Variants in CAMK1D observed in about 807,000 individuals in gnomAD.
CAMK1D encodes the protein calcium/calmodulin-dependent protein kinase type 1D.
Under a neutral mutation model 47.7 loss-of-function variants are expected in CAMK1D, and 9 were observed. That is an observed-to-expected ratio of 0.19 (90% CI 0.11 to 0.33). CAMK1D has a LOEUF of 0.33. Among genes scored for constraint, CAMK1D ranks in the 10% least tolerant of loss-of-function variants. The pLI is 1.00. For synonymous variants in CAMK1D, 184 were observed against 184.9 expected (o/e 0.99, Z 0.04); for missense variants, 291 against 488.7 (o/e 0.60, Z 3.81).
chr10:12,819,891 C>T (rs185127377), intron 8 of CAMK1D, among the ~76,000 whole-genome samples: 11 of 152,102 alleles, frequency 7.2e-5, no homozygotes, highest in East Asian at 1.9e-4. Context: ...CTGTCAGGGA[C>T]GGAGAAGCCA....
At chr10:12,486,325 A>AT (rs1446928352) in intron 1 of CAMK1D, among the ~76,000 whole-genome samples, 1 of 151,904 alleles carries the variant, frequency 6.6e-6, no homozygotes, top group African/African-American at 2.4e-5. Flanking sequence ...CACCTGGCTA[A>AT]TTTTTTGTAT....
At chr10:12,354,205 G>A (rs1029405659) in intron 1 of CAMK1D, among the ~76,000 whole-genome samples, 10 of 152,126 alleles carry the variant, frequency 6.6e-5, no homozygotes, top group Admixed American at 5.9e-4. Flanking sequence ...TGTAGACTGA[G>A]CATTTGAAGT....
rs372037613 is a variant in CAMK1D, at chr10:12,606,826, A to AT, written c.224+53480dup. Among the ~76,000 whole-genome samples, 245 of 150,142 alleles carry AT rather than the reference A, an allele frequency of 1.6e-3. 1 individual carries two copies. Among genetic ancestry groups the AT allele is most frequent in the African/African-American group, 5.3e-3 (215 of 40,900 alleles). ...TTCTCCAGCAAGGAAGTGACAGATA[A>AT]TTTTTTTTTTCTTTTTTTTGGAGAT... On this transcript the variant is annotated intron_variant, in intron 2 of 10. Transcript: ENST00000619168.
chr10:12,803,397 G>T (rs1400604685), intron 6 of CAMK1D, among the ~76,000 whole-genome samples: 2 of 152,188 alleles, frequency 1.3e-5, no homozygotes, highest in Non-Finnish European at 2.9e-5. Flanking sequence ...CTGTAGAATT[G>T]GCCAAGGGTG....
intron 2 of CAMK1D, among the ~76,000 whole-genome samples, chr10:12,557,590 T>C (rs1836806498): frequency 1.3e-5 from 2 of 151,960 alleles, no homozygotes; most frequent in South Asian, 2.1e-4. Context: ...AAAAAGTCTT[T>C]TGATGATTTT....
intron 6 of CAMK1D, among the ~76,000 whole-genome samples, chr10:12,802,807 C>A (rs900993706): frequency 1.3e-5 from 2 of 152,098 alleles, no homozygotes; most frequent in African/African-American, 2.4e-5. Flanking sequence ...GGCGTGAGTC[C>A]CCGCCCCCGG....
chr10:12,789,967 T>C (rs923477946), intron 5 of CAMK1D, among the ~76,000 whole-genome samples: 1 of 152,276 alleles, frequency 6.6e-6, no homozygotes, highest in African/African-American at 2.4e-5. Context: ...ATATAGTGAG[T>C]GCCAGCTATG....
At chr10:12,469,752 C>CTTGGAAATGTTATATTTT (rs1833694062) in intron 1 of CAMK1D, among the ~76,000 whole-genome samples, 1 of 152,208 alleles carries the variant, frequency 6.6e-6, no homozygotes, top group African/African-American at 2.4e-5. Flanking sequence ...ACTTGGAGAA[C>CTTGGAAATGTTATATTTT]ACTTTAGTGG....
At chr10:12,585,492 G>GATATTTAT (rs1837789931) in intron 2 of CAMK1D, among the ~76,000 whole-genome samples, 1 of 152,190 alleles carries the variant, frequency 6.6e-6, no homozygotes, top group African/African-American at 2.4e-5. Context: ...ATATACTCGA[G>GATATTTAT]ACTGGATAAT....
intron 1 of CAMK1D, among the ~76,000 whole-genome samples, chr10:12,390,439 A>G (rs2131889438): frequency 6.6e-6 from 1 of 152,268 alleles, no homozygotes; most frequent in East Asian, 1.9e-4. Context: ...TAGAAGAGAC[A>G]TTGTATCTCT....
intron 1 of CAMK1D, among the ~76,000 whole-genome samples, chr10:12,535,137 C>T (rs970224126): frequency 7.2e-5 from 11 of 152,154 alleles, no homozygotes; most frequent in Admixed American, 1.3e-4. Context: ...TACAGCCCAT[C>T]GTATGCGCCT....
chr10:12,369,080 G>T (rs1039097403), intron 1 of CAMK1D, among the ~76,000 whole-genome samples: 2 of 152,248 alleles, frequency 1.3e-5, no homozygotes, highest in Non-Finnish European at 2.9e-5. Context: ...CTCCCAAAGT[G>T]CTGGGATTAC....
intron 1 of CAMK1D, among the ~76,000 whole-genome samples, chr10:12,410,422 C>G (rs1160024788): frequency 2.0e-5 from 3 of 152,158 alleles, no homozygotes; most frequent in Admixed American, 2.0e-4. Flanking sequence ...AACAGTTCGC[C>G]CCCTACCTCC....
intron 1 of CAMK1D, among the ~76,000 whole-genome samples, chr10:12,360,734 G>A (rs1302319137): frequency 6.6e-6 from 1 of 152,108 alleles, no homozygotes; most frequent in Non-Finnish European, 1.5e-5. Flanking sequence ...GAGGCAAGGT[G>A]GTAATGATGC....
At chr10:12,545,884 A>C (rs1451691666) in intron 1 of CAMK1D, among the ~76,000 whole-genome samples, 1 of 152,174 alleles carries the variant, frequency 6.6e-6, no homozygotes, top group Non-Finnish European at 1.5e-5. Flanking sequence ...GGGGGTGGGC[A>C]GAACTTGAAC....
intron 1 of CAMK1D, among the ~76,000 whole-genome samples, chr10:12,448,775 G>A (rs529883450): frequency 1.3e-5 from 2 of 152,162 alleles, no homozygotes; most frequent in South Asian, 4.2e-4. Flanking sequence ...ATTATCCCCG[G>A]ACCATTCCTC....
At chr10:12,693,352 G>A (rs1175458089) in intron 3 of CAMK1D, among the ~76,000 whole-genome samples, 3 of 152,000 alleles carry the variant, frequency 2.0e-5, no homozygotes, top group Non-Finnish European at 2.9e-5. Context: ...GCAACAGAGC[G>A]AGACTCCATC....
chr10:12,605,640 C>T (rs1838435747), intron 2 of CAMK1D, among the ~76,000 whole-genome samples: 1 of 152,112 alleles, frequency 6.6e-6, no homozygotes, highest in South Asian at 2.1e-4. Flanking sequence ...AAACACTTCT[C>T]AGGAGTGAGC....
intron 3 of CAMK1D, among the ~76,000 whole-genome samples, chr10:12,695,951 G>A (rs1033646203): frequency 3.3e-5 from 5 of 151,880 alleles, no homozygotes; most frequent in African/African-American, 9.7e-5. Flanking sequence ...GGTGGCGGAC[G>A]CCTGTAGTCC....
Sources: allele counts gnomAD v4.1 joint callset (sites outside exome capture counted in the v4.1 genomes callset), GRCh38; gene constraint gnomAD v4.1.1; transcripts MANE v1.5; gene names NCBI Gene and HGNC (gene_info 2026-07-23, HGNC 2026-07-21).